Variants in RALYL observed in about 807,000 individuals in gnomAD.
RALYL encodes RALY RNA binding protein like.
In RALYL, 29 loss-of-function variants were observed where a neutral mutation model predicts 35.1. The ratio of observed to expected loss-of-function variants is 0.83; its 90% CI spans 0.61 to 1.13. RALYL has a LOEUF of 1.13. Ranked by LOEUF, RALYL falls within the 50% of genes most tolerant of loss-of-function variation. The probability of loss-of-function intolerance (pLI) is 0.00; values close to 1 mark genes in which losing one functional copy is unlikely to be tolerated. For synonymous variants in RALYL, 120 were observed against 127.6 expected (o/e 0.94, Z 0.40); for missense variants, 359 against 360.4 (o/e 1.00, Z 0.03).
intron 2 of RALYL, among the ~76,000 whole-genome samples, chr8:84,702,537 T>TCACACACACACACACACA (rs773689586): frequency 2.1e-5 from 3 of 143,610 alleles, no homozygotes; most frequent in African/African-American, 7.8e-5. Context: ...TCTCTCTCTC[T>TCACACACACACACACACA]CTCACACACA....
chr8:84,657,483 G>A (rs903513975), intron 2 of RALYL, among the ~76,000 whole-genome samples: 2 of 152,184 alleles, frequency 1.3e-5, no homozygotes, highest in African/African-American at 4.8e-5. Context: ...AAGCACTCAT[G>A]TGCATACCTT....
chr8:84,224,446 A>G (rs754031837), intron 1 of RALYL, among the ~76,000 whole-genome samples: 2 of 152,150 alleles, frequency 1.3e-5, no homozygotes, highest in Non-Finnish European at 2.9e-5. Context: ...CTGGCTGAGA[A>G]GGATATAGCA....
At chr8:84,227,829 C>A (rs1021240355) in intron 1 of RALYL, among the ~76,000 whole-genome samples, 5 of 152,042 alleles carry the variant, frequency 3.3e-5, no homozygotes, top group African/African-American at 1.2e-4. Flanking sequence ...CCTCAGAAAA[C>A]AATTTTTCCT....
At chr8:84,261,345 G>T (rs1352668421) in intron 1 of RALYL, among the ~76,000 whole-genome samples, 1 of 152,164 alleles carries the variant, frequency 6.6e-6, no homozygotes, top group Non-Finnish European at 1.5e-5. Context: ...GGGACCAGGT[G>T]GAGATAATAG....
At chr8:84,399,543 T>C (rs928939941) in intron 1 of RALYL, among the ~76,000 whole-genome samples, 1 of 152,248 alleles carries the variant, frequency 6.6e-6, no homozygotes, top group African/African-American at 2.4e-5. Flanking sequence ...AATTTATTTG[T>C]GGGCTATATT....
intron 2 of RALYL, among the ~76,000 whole-genome samples, chr8:84,714,187 G>T (rs1030135797): frequency 1.3e-5 from 2 of 151,772 alleles, no homozygotes; most frequent in Non-Finnish European, 2.9e-5. Flanking sequence ...CTAATATTTG[G>T]AATCTAAAAT....
At chr8:84,708,872 AGAGTAGAAGCCATAG>A in intron 2 of RALYL, among the ~76,000 whole-genome samples, 1 of 152,348 alleles carries the variant, frequency 6.6e-6, no homozygotes, top group Admixed American at 6.5e-5. Context: ...AGGAAAAAGT[AGAGTAGAAGCCATAG>A]GATTTTGAAA....
intron 1 of RALYL, among the ~76,000 whole-genome samples, chr8:84,282,033 A>G (rs1046481073): frequency 1.3e-5 from 2 of 151,954 alleles, no homozygotes; most frequent in Non-Finnish European, 2.9e-5. Context: ...GCTGCTGCCT[A>G]AAGAAATAGT....
At chr8:84,453,130 G>A (rs2049704403) in intron 1 of RALYL, among the ~76,000 whole-genome samples, 2 of 151,866 alleles carry the variant, frequency 1.3e-5, no homozygotes, top group African/African-American at 2.4e-5. Flanking sequence ...TGAGCAAGTA[G>A]CAATTTTAAA....
At chr8:84,191,699 A>G (rs1436041262) in intron 1 of RALYL, among the ~76,000 whole-genome samples, 1 of 152,218 alleles carries the variant, frequency 6.6e-6, no homozygotes, top group African/African-American at 2.4e-5. Context: ...TTCAAGAGTG[A>G]ATATAACAAA....
At chr8:84,561,086 A>G (rs2061441592) in intron 2 of RALYL, among the ~76,000 whole-genome samples, 3 of 152,038 alleles carry the variant, frequency 2.0e-5, no homozygotes, top group African/African-American at 7.2e-5. Flanking sequence ...CATTATGCCA[A>G]TTAACAATAA....
In RALYL at chr8:84,419,435, C is replaced by T. The variant is rs73306327; in HGVS notation, c.-23-109864C>T. Among the ~76,000 whole-genome samples, 1,359 of 152,152 alleles carry T rather than the reference C, an allele frequency of 8.9e-3. 32 individuals are homozygous for T. The highest frequency in any genetic ancestry group is 0.031 in the African/African-American group (1,273 of 41,502). On this transcript the variant is annotated intron_variant, in intron 1 of 8. Coordinates refer to ENST00000521268, the MANE Select transcript of RALYL (RefSeq NM_173848.7). Reference sequence around the variant, plus strand: ...ACATTTTCATTGTCTTTATCCCATTCTGCATCTGTACCATTATCCCTAAAA... The same window carrying T: ...ACATTTTCATTGTCTTTATCCCATTTTGCATCTGTACCATTATCCCTAAAA...
intron 2 of RALYL, among the ~76,000 whole-genome samples, chr8:84,546,816 G>C (rs2060387212): frequency 6.6e-6 from 1 of 152,094 alleles, no homozygotes; most frequent in East Asian, 1.9e-4. Context: ...TAGGGCTCTT[G>C]AATGACTTTA....
chr8:84,562,871 AG>A (rs2061553027), intron 2 of RALYL, among the ~76,000 whole-genome samples: 1 of 151,956 alleles, frequency 6.6e-6, no homozygotes, highest in Non-Finnish European at 1.5e-5. Flanking sequence ...TACCATGCAG[AG>A]AGACCTTGGG....
intron 2 of RALYL, among the ~76,000 whole-genome samples, chr8:84,730,228 A>G (rs1251770515): frequency 3.3e-5 from 5 of 152,230 alleles, no homozygotes; most frequent in Non-Finnish European, 5.9e-5. Flanking sequence ...GGCTGGTTCA[A>G]TATACACAAA....
In RALYL at chr8:84,683,334, G is replaced by A. The variant is rs908554089; in HGVS notation, c.257-91245G>A. ...GTATATTCTGTTGATTTGGGGTGGA[G>A]AGTTCTGTAGATGTCTATTAGGTCT... On this transcript the variant is annotated intron_variant, in intron 2 of 8. Transcript: ENST00000521268. Among the ~76,000 whole-genome samples, 2 of 151,986 alleles carry A rather than the reference G, an allele frequency of 1.3e-5. 1 individual carries two copies. The highest frequency in any genetic ancestry group is 2.9e-5 in the Non-Finnish European group (2 of 67,994).
chr8:84,406,828 G>T (rs2043546379), intron 1 of RALYL, among the ~76,000 whole-genome samples: 1 of 151,982 alleles, frequency 6.6e-6, no homozygotes, highest in Admixed American at 6.6e-5. Flanking sequence ...GAGATAATGG[G>T]TGATTACACT....
chr8:84,186,776 A>G (rs1286608007), intron 1 of RALYL, among the ~76,000 whole-genome samples: 1 of 152,168 alleles, frequency 6.6e-6, no homozygotes. Context: ...TTTTAATTAT[A>G]TTGTAGACTT....
intron 4 of RALYL, among the ~76,000 whole-genome samples, chr8:84,845,946 G>T (rs1380619359): frequency 6.6e-6 from 1 of 152,154 alleles, no homozygotes. Context: ...TTAGATGGCT[G>T]TAGGTGTATG....
Sources: allele counts gnomAD v4.1 joint callset (sites outside exome capture counted in the v4.1 genomes callset), GRCh38; gene constraint gnomAD v4.1.1; transcripts MANE v1.5; gene names NCBI Gene and HGNC (gene_info 2026-07-23, HGNC 2026-07-21).